CAMK2B: variants seen among roughly 807,000 people sequenced by gnomAD.
The protein encoded by CAMK2B is calcium/calmodulin-dependent protein kinase type II subunit beta.
Under a neutral mutation model 93.7 loss-of-function variants are expected in CAMK2B, and 27 were observed. That is an observed-to-expected ratio of 0.29 (90% CI 0.21 to 0.40). The LOEUF (loss-of-function observed/expected upper bound fraction) is 0.40, where lower values mean the gene tolerates loss of function less well. Ranked by LOEUF, CAMK2B falls within the 10% of genes least tolerant of loss-of-function variation. The pLI, the probability that CAMK2B is intolerant of heterozygous loss-of-function variation, is 1.00. For synonymous variants in CAMK2B, 374 were observed against 358.8 expected (o/e 1.04, Z -0.48); for missense variants, 568 against 895.8 (o/e 0.63, Z 4.67).
In CAMK2B at chr7:44,220,191, C is replaced by T. The variant is rs1432768614; in HGVS notation, c.1872G>A (p.Gln624=). The T allele has an allele frequency of 1.9e-6, 3 of 1,613,178 alleles. No homozygotes were observed. The highest frequency in any genetic ancestry group is 1.3e-5 in the African/African-American group (1 of 75,072). Residue 624 remains glutamine (Q), a synonymous_variant, in exon 23 of 24, where the codon CAG becomes CAA. Coordinates refer to ENST00000395749, the MANE Select transcript of CAMK2B (RefSeq NM_001220.5). The stretch of plus-strand genomic sequence containing the variant: ...GGGGCCGGCCCTGCCCGTCAATGTA[C>T]TGCGTGAGCCGGATGTAAGCGATGC... The part of the protein sequence containing the change: ...AACIAYIRLT[Q]YIDGQGRPRT...
At position 44,229,462 on chromosome 7, in the gene CAMK2B, C is replaced by A. The variant is rs370915741; in HGVS notation, c.1265G>T (p.Gly422Val). 7 of 1,478,446 alleles carry A rather than the reference C, an allele frequency of 4.7e-6. No homozygotes were observed. Among genetic ancestry groups the A allele is most frequent in the Middle Eastern group, 1.8e-4 (1 of 5,650 alleles). 91.6% of individuals were successfully genotyped at this position (1,478,446 alleles called of 1,614,324 possible). ...CCCCTCGGCTTCTGGGGCTCCCGAG[C>A]CCCTCCTCACTGAGCTCAGGATGTC... ...VPDILSSVRR[G>V]SGAPEAEGPL... The change falls in exon 18 of 24, where the codon GGC becomes GTC. Residue 422 changes from glycine to valine, a missense_variant. Physicochemically the swap from Gly to Val is moderately radical, Grantham distance 109 (BLOSUM62 -3). Transcript: ENST00000395749.
At chr7:44,231,138 C>A in intron 16 of CAMK2B, 84 bp from the exon 17 acceptor site, 1 of 876,152 alleles carries the variant, frequency 1.1e-6, no homozygotes. Flanking sequence ...AGGGCTGGGC[C>A]TGTGTCAGGA....
At position 44,271,606 on chromosome 7, in the gene CAMK2B, T is replaced by C. The variant is rs1179372510; in HGVS notation, c.161-8542A>G. Among the ~76,000 whole-genome samples the C allele has an allele frequency of 6.6e-6, 1 of 152,216 alleles. No homozygotes were observed. ...CCAACCTGGGCTGCCAGCAAGTCCC[T>C]TGGTAGCACTGACCTTGGATTTATT... On this transcript the variant is annotated intron_variant, in intron 2 of 23. Transcript: ENST00000395749. This position sits in a 1 kb window ranked among gnomAD's most constrained non-coding sequence, Gnocchi z 4.2.
chr7:44,269,625 G>T (rs932106993), intron 2 of CAMK2B, among the ~76,000 whole-genome samples: 1 of 152,128 alleles, frequency 6.6e-6, no homozygotes, highest in African/African-American at 2.4e-5. Flanking sequence ...CGGGCCCCCC[G>T]CCAGCCACCA....
chr7:44,304,476 G>A (rs1407764962), intron 1 of CAMK2B, among the ~76,000 whole-genome samples: 1 of 152,176 alleles, frequency 6.6e-6, no homozygotes, highest in Non-Finnish European at 1.5e-5. Context: ...AAACTTAAGT[G>A]GCCACTGCTG....
rs796280440 is a variant in CAMK2B at position 44,303,551 on chromosome 7, TG to T, written c.66-19327del. On this transcript the variant is annotated intron_variant, in intron 1 of 23. Coordinates refer to ENST00000395749, the MANE Select transcript of CAMK2B (RefSeq NM_001220.5). ...GTGCCAGAACAACTGGATATTCAGA[TG>T]AAAAAAATGAATCTAGACACAGATC... Among the ~76,000 whole-genome samples the T allele has an allele frequency of 3.3e-5, 5 of 152,284 alleles. No homozygotes were observed. The East Asian group carries it at 7.7e-4, about 23-fold the overall frequency.
intron 5 of CAMK2B, among the ~76,000 whole-genome samples, chr7:44,254,203 G>A (rs987041757): frequency 5.3e-5 from 8 of 152,176 alleles, no homozygotes; most frequent in African/African-American, 9.7e-5. Context: ...TCATCCCCCC[G>A]GGGAGGGTCA....
In CAMK2B at chr7:44,286,857, G is replaced by C. The variant is rs747997210; in HGVS notation, c.66-2632C>G. ...AGGAAGGCATGGCTGGGGGCCTCGG[G>C]ATGAGTGTGGAGTGGGAGCACCAGG... On this transcript the variant is annotated intron_variant, in intron 1 of 23. Transcript: ENST00000395749. This position sits in a 1 kb window ranked among gnomAD's most constrained non-coding sequence, Gnocchi z 4.0. 4.3e-4 allele frequency among the ~76,000 whole-genome samples: 66 copies of C among 152,076 alleles called. No homozygotes were observed. The highest frequency in any genetic ancestry group is 9.0e-4 in the Non-Finnish European group (61 of 67,986).
chr7:44,227,752 G>T (rs529033841), intron 19 of CAMK2B, among the ~76,000 whole-genome samples: 1 of 28,838 alleles, frequency 3.5e-5, no homozygotes, highest in Non-Finnish European at 7.1e-5. Flanking sequence ...GACAGAGGAG[G>T]GTGTGGGGGA....
At chr7:44,316,498 G>C (rs1370317696) in intron 1 of CAMK2B, among the ~76,000 whole-genome samples, 1 of 152,108 alleles carries the variant, frequency 6.6e-6, no homozygotes, top group East Asian at 1.9e-4. Context: ...TGATATCTTT[G>C]GTTTTGGTAT....
chr7:44,227,857 GA>G (rs1192363088), intron 19 of CAMK2B, among the ~76,000 whole-genome samples: 1 of 122,176 alleles, frequency 8.2e-6, no homozygotes, highest in Non-Finnish European at 1.8e-5. Context: ...GGAAATGAGG[GA>G]AAGAGGGGAA....
chr7:44,227,843 A>G (rs1391807194), intron 19 of CAMK2B, among the ~76,000 whole-genome samples: 1 of 107,558 alleles, frequency 9.3e-6, no homozygotes, highest in Non-Finnish European at 1.9e-5. Context: ...TTGGGGAGGA[A>G]AATGGAAATG....
Position 44,271,357 on chromosome 7 carries a change from G to A in CAMK2B, c.161-8293C>T, listed in dbSNP as rs533413818. Among the ~76,000 whole-genome samples the A allele has an allele frequency of 6.6e-6, 1 of 152,366 alleles. No individual in the cohort carries two copies. The highest frequency in any genetic ancestry group is 2.1e-4 in the South Asian group (1 of 4,834). On this transcript the variant is annotated intron_variant, in intron 2 of 23. Transcript: ENST00000395749. This position sits in a 1 kb window ranked among gnomAD's most constrained non-coding sequence, Gnocchi z 4.2. ...AACTTGACTGCGCTCGCACACTAGTGACAGAGTACTTGGGAGCCAAGCGCA... is the reference window on the plus strand; with the variant it reads ...AACTTGACTGCGCTCGCACACTAGTAACAGAGTACTTGGGAGCCAAGCGCA...
intron 18 of CAMK2B, 167 bp downstream of exon 18, chr7:44,229,221 G>A (rs1031746880): frequency 1.6e-6 from 1 of 611,944 alleles, no homozygotes; most frequent in Non-Finnish European, 2.9e-6. Flanking sequence ...AAGAGGTGGG[G>A]CTCGATGGGC....
At chr7:44,253,891 C>T (rs111647501) in intron 5 of CAMK2B, among the ~76,000 whole-genome samples, 2,310 of 151,282 alleles carry the variant, frequency 0.015, 13 homozygotes, top group South Asian at 0.025. Flanking sequence ...AGCTACCATG[C>T]CTGGCCTCAG....
At chr7:44,294,396 CCT>C (rs1237613447) in intron 1 of CAMK2B, among the ~76,000 whole-genome samples, 1 of 152,160 alleles carries the variant, frequency 6.6e-6, no homozygotes, top group Non-Finnish European at 1.5e-5. Context: ...CTGATTGCTC[CCT>C]CTCTGTCCCA....
chr7:44,253,971 G>C (rs371373219), intron 5 of CAMK2B, among the ~76,000 whole-genome samples: 24 of 152,082 alleles, frequency 1.6e-4, no homozygotes, highest in African/African-American at 5.5e-4. Context: ...CAGTGGGCAG[G>C]GAGTAATGCT....
intron 10 of CAMK2B, 100 bp from the exon 11 acceptor site, chr7:44,241,883 G>A: frequency 2.2e-6 from 2 of 897,106 alleles, no homozygotes; most frequent in Admixed American, 2.1e-5. Flanking sequence ...CACTTGCCAA[G>A]AGCCACCGGC....
chr7:44,324,312 G>A (rs1182518121), intron 1 of CAMK2B, among the ~76,000 whole-genome samples: 1 of 152,224 alleles, frequency 6.6e-6, no homozygotes, highest in Non-Finnish European at 1.5e-5. Flanking sequence ...GGAGGATGGG[G>A]GAGGACGCAG....
Sources: gnomAD v4.1 joint callset for allele counts (sites outside exome capture counted in the v4.1 genomes callset) on GRCh38, gnomAD v4.1.1 for gene constraint, Gnocchi (gnomAD v3.1) non-coding constraint, MANE v1.5 for transcripts, NCBI Gene and HGNC (gene_info 2026-07-23, HGNC 2026-07-21) for gene names.